Variants in HIVEP3 observed in about 807,000 individuals in gnomAD.
HIVEP3 encodes the protein HIVEP zinc finger 3, also known as transcription factor HIVEP3.
A neutral mutation model predicts 152.8 loss-of-function variants in HIVEP3; 49 were observed. The ratio of observed to expected loss-of-function variants is 0.32; its 90% CI spans 0.26 to 0.41. The LOEUF (loss-of-function observed/expected upper bound fraction) is 0.41, where lower values mean the gene tolerates loss of function less well. Among genes scored for constraint, HIVEP3 ranks in the 10% least tolerant of loss-of-function variants. HIVEP3 has a pLI of 1.00. For synonymous variants in HIVEP3, 1,269 were observed against 1,289.0 expected (o/e 0.98, Z 0.33); for missense variants, 2,790 against 3,103.3 (o/e 0.90, Z 2.40).
At chr1:41,867,792 G>T (rs1238079762) in intron 1 of HIVEP3, among the ~76,000 whole-genome samples, 1 of 152,090 alleles carries the variant, frequency 6.6e-6, no homozygotes, top group African/African-American at 2.4e-5. Context: ...GTTCAGGGCA[G>T]GGAGACCAAG....
intron 1 of HIVEP3, among the ~76,000 whole-genome samples, chr1:41,907,485 G>T (rs1644732681): frequency 6.6e-6 from 1 of 152,148 alleles, no homozygotes; most frequent in Non-Finnish European, 1.5e-5. Flanking sequence ...CCATATGAAG[G>T]TTCACTTCTC....
intron 1 of HIVEP3, among the ~76,000 whole-genome samples, chr1:41,703,017 T>C (rs1646385526): frequency 6.6e-6 from 1 of 152,200 alleles, no homozygotes; most frequent in African/African-American, 2.4e-5. Flanking sequence ...CTTTTTCCTA[T>C]TGTGAAATCT....
chr1:41,798,789 G>A (rs1650131044), intron 1 of HIVEP3, among the ~76,000 whole-genome samples: 1 of 152,100 alleles, frequency 6.6e-6, no homozygotes, highest in Non-Finnish European at 1.5e-5. Flanking sequence ...TTTTGTCATA[G>A]AGCTCACTTT....
intron 1 of HIVEP3, among the ~76,000 whole-genome samples, chr1:41,954,765 C>T (rs551258624): frequency 6.6e-6 from 1 of 152,342 alleles, no homozygotes; most frequent in South Asian, 2.1e-4. Context: ...TGGCCCAGGG[C>T]AGGTTGCTTC....
chr1:41,956,356 C>A (rs1000688920), intron 1 of HIVEP3, among the ~76,000 whole-genome samples: 14 of 152,168 alleles, frequency 9.2e-5, no homozygotes, highest in Non-Finnish European at 1.9e-4. Flanking sequence ...ATGAAACGGT[C>A]CAGGGTGCTG....
intron 1 of HIVEP3, among the ~76,000 whole-genome samples, chr1:41,764,042 T>C (rs1570484565): frequency 6.7e-6 from 1 of 150,332 alleles, no homozygotes; most frequent in African/African-American, 2.4e-5. Flanking sequence ...ACAGGACAGA[T>C]GCGGGGCCCA....
intron 2 of HIVEP3, among the ~76,000 whole-genome samples, chr1:41,652,900 G>A (rs1645573089): frequency 6.6e-6 from 1 of 152,048 alleles, no homozygotes; most frequent in African/African-American, 2.4e-5. Context: ...CCATTGATTT[G>A]TCACATGAGC....
rs181947265 is a variant in HIVEP3, at chr1:41,977,401, G to A, written n.119+58406C>T. On this transcript the variant is annotated intron_variant and non_coding_transcript_variant, in intron 1 of 3. Coordinates refer to the HIVEP3 transcript ENST00000489103. ...ACCCCAGGAGAGAGGTGTGCCCCACGCTCCCCCACTCCCCAGCTGCTTGCT... is the reference window on the plus strand; with the variant it reads ...ACCCCAGGAGAGAGGTGTGCCCCACACTCCCCCACTCCCCAGCTGCTTGCT... Among the ~76,000 whole-genome samples the A allele has an allele frequency of 5.5e-4, 83 of 152,114 alleles. 1 individual carries two copies. The highest frequency in any genetic ancestry group is 9.6e-4 in the Non-Finnish European group (65 of 67,972).
chr1:42,009,957 G>A (rs1490689486), intron 1 of HIVEP3, among the ~76,000 whole-genome samples: 2 of 152,138 alleles, frequency 1.3e-5, no homozygotes, highest in Non-Finnish European at 2.9e-5. Flanking sequence ...ACAAAACAGG[G>A]TCTTACCTGT....
rs1644460583 is a variant in HIVEP3, at chr1:41,583,839, C to T, written c.959G>A (p.Ser320Asn). 8 of 1,608,254 alleles carry T rather than the reference C, an allele frequency of 5.0e-6. No individual in the cohort carries two copies. Among genetic ancestry groups the T allele is most frequent in the Non-Finnish European group, 6.8e-6 (8 of 1,176,812 alleles). The stretch of plus-strand genomic sequence containing the variant: ...CTGGGACAGGGAACAGCGTTCGTGG[C>T]TGGAACTGTGGCTCCCAGAGCTGTA... ...GLYSSGSHSS[S>N]HERCSLSQSS... Residue 320 changes from serine (S) to asparagine (N), a missense_variant, in exon 4 of 9, where the codon AGC (serine) becomes AAC (asparagine). Around this residue, in one of 9 missense-constraint regions of HIVEP3, gnomAD observed 125 missense variants for 130.1 expected, o/e 0.96. Transcript: ENST00000372583. The surrounding 1 kb of genome is among the most constrained non-coding windows in gnomAD (Gnocchi z 6.9).
At chr1:41,787,921 G>A (rs1232211412) in intron 1 of HIVEP3, among the ~76,000 whole-genome samples, 1 of 152,164 alleles carries the variant, frequency 6.6e-6, no homozygotes, top group African/African-American at 2.4e-5. Context: ...GGGGGGTGTG[G>A]ATGTCCCCAG....
intron 1 of HIVEP3, among the ~76,000 whole-genome samples, chr1:41,990,684 T>C (rs1645354956): frequency 6.6e-6 from 1 of 151,608 alleles, no homozygotes; most frequent in Non-Finnish European, 1.5e-5. Context: ...CCACCACAAA[T>C]CAACAGAATA....
At position 41,935,814 on chromosome 1, in the gene HIVEP3, A is replaced by G. The variant is rs530807784; in HGVS notation, n.120-17290T>C. 6.7e-5 allele frequency among the ~76,000 whole-genome samples: 10 copies of G among 150,376 alleles called. No homozygotes were observed. The East Asian group carries it at 1.7e-3, about 26-fold the overall frequency. ...TAACTCTAAGAATAAAGAGCCCTCTATAAGATTTCTACCATCTCTAATGAG... is the reference window on the plus strand; with the variant it reads ...TAACTCTAAGAATAAAGAGCCCTCTGTAAGATTTCTACCATCTCTAATGAG... On this transcript the variant is annotated intron_variant and non_coding_transcript_variant, in intron 1 of 3. Coordinates refer to the HIVEP3 transcript ENST00000489103.
intron 1 of HIVEP3, among the ~76,000 whole-genome samples, chr1:41,772,369 C>A (rs1235655023): frequency 6.6e-6 from 1 of 152,142 alleles, no homozygotes; most frequent in Non-Finnish European, 1.5e-5. Flanking sequence ...GCATGACAGG[C>A]ACATTTCCAC....
At chr1:41,607,459 C>A (rs1228372923) in intron 3 of HIVEP3, among the ~76,000 whole-genome samples, 1 of 152,200 alleles carries the variant, frequency 6.6e-6, no homozygotes, top group Non-Finnish European at 1.5e-5. Context: ...TAGCAACCTG[C>A]TCCTCTGATA....
At chr1:41,711,407 A>G (rs72957334) in intron 1 of HIVEP3, among the ~76,000 whole-genome samples, 3,986 of 152,260 alleles carry the variant, frequency 0.026, 182 homozygotes, top group African/African-American at 0.091. Flanking sequence ...GTGGCCGAGC[A>G]CCACCACCAC....
chr1:41,986,783 C>T (rs1645326441), intron 1 of HIVEP3, among the ~76,000 whole-genome samples: 1 of 152,154 alleles, frequency 6.6e-6, no homozygotes. Context: ...AATTGCTGCC[C>T]ATTTCATAAA....
intron 1 of HIVEP3, among the ~76,000 whole-genome samples, chr1:41,834,272 C>T (rs753817605): frequency 8.5e-5 from 13 of 152,154 alleles, no homozygotes; most frequent in Non-Finnish European, 1.8e-4. Context: ...TTCATTGACA[C>T]CCCCATTCCC....
At chr1:41,774,006 T>C (rs939089389) in intron 1 of HIVEP3, among the ~76,000 whole-genome samples, 1 of 152,264 alleles carries the variant, frequency 6.6e-6, no homozygotes, top group Non-Finnish European at 1.5e-5. Context: ...CCCATTGTCA[T>C]GTGACCTGCC....
Sources: gnomAD v4.1 joint callset for allele counts (sites outside exome capture counted in the v4.1 genomes callset) on GRCh38, gnomAD v4.1.1 for gene constraint, gnomAD v4.1.1 regional missense constraint, Gnocchi (gnomAD v3.1) non-coding constraint, MANE v1.5 for transcripts, NCBI Gene and HGNC (gene_info 2026-07-23, HGNC 2026-07-21) for gene names.